Variants in GLG1 observed in about 807,000 individuals in gnomAD.
GLG1 encodes Golgi apparatus protein 1.
GLG1 carries 38 observed loss-of-function variants against 160.5 expected under a neutral mutation model. That is an observed-to-expected ratio of 0.24 (90% CI 0.18 to 0.31). GLG1 has a LOEUF of 0.31. Ranked by LOEUF, GLG1 falls within the 10% of genes least tolerant of loss-of-function variation. The pLI is 1.00. For synonymous variants in GLG1, 644 were observed against 543.4 expected (o/e 1.19, Z -2.57); for missense variants, 1,373 against 1,505.2 (o/e 0.91, Z 1.45).
Position 74,523,353 on chromosome 16 carries a change from C to T in GLG1, c.471+8768G>A, listed in dbSNP as rs902765171. Reference sequence around the variant, plus strand: ...GCTTCTACCACACTGCCTTAATTACCGCTGCTTTACGGTAACTCTTCCACC... The same window carrying T: ...GCTTCTACCACACTGCCTTAATTACTGCTGCTTTACGGTAACTCTTCCACC... On this transcript the variant is annotated intron_variant, in intron 2 of 25. Coordinates refer to ENST00000422840, the MANE Select transcript of GLG1 (RefSeq NM_001145667.2). Among the ~76,000 whole-genome samples the T allele has an allele frequency of 7.2e-5, 11 of 152,080 alleles. No homozygotes were observed. The East Asian group carries it at 9.6e-4, about 13-fold the overall frequency.
intron 11 of GLG1, among the ~76,000 whole-genome samples, chr16:74,478,773 G>A (rs760339659): frequency 1.4e-4 from 21 of 151,318 alleles, no homozygotes; most frequent in Non-Finnish European, 2.7e-4. Context: ...TTAGCCGGGC[G>A]TAGTGGCGCA....
In GLG1 at chr16:74,533,146, C is replaced by A. The variant is rs149755656; in HGVS notation, c.439-993G>T. Among the ~76,000 whole-genome samples the A allele has an allele frequency of 4.0e-5, 6 of 151,892 alleles. No individual in the cohort carries two copies. The East Asian group carries it at 9.7e-4, about 25-fold the overall frequency. On this transcript the variant is annotated intron_variant, in intron 1 of 25. Transcript: ENST00000422840. ...CCATCCTGGCTAACACAGTGAAACC[C>A]TGTCCCTACTAAAAATACAAAAAAA...
chr16:74,521,315 A>G (rs1055484681), intron 2 of GLG1, among the ~76,000 whole-genome samples: 23 of 152,258 alleles, frequency 1.5e-4, no homozygotes, highest in African/African-American at 4.3e-4. Flanking sequence ...CAGAGCAGTA[A>G]TATGAACTAA....
At chr16:74,600,530 A>C (rs997257237) in intron 1 of GLG1, among the ~76,000 whole-genome samples, 1 of 152,006 alleles carries the variant, frequency 6.6e-6, no homozygotes, top group Admixed American at 6.6e-5. Context: ...TCAGAGGTTC[A>C]AGACCAGCCT....
At chr16:74,553,821 A>C (rs1323353473) in intron 1 of GLG1, among the ~76,000 whole-genome samples, 1 of 152,156 alleles carries the variant, frequency 6.6e-6, no homozygotes, top group Non-Finnish European at 1.5e-5. Flanking sequence ...TTGCAACTTC[A>C]GTTATTGTAT....
chr16:74,498,613 C>A (rs1296432601), intron 4 of GLG1, among the ~76,000 whole-genome samples: 3 of 148,514 alleles, frequency 2.0e-5, no homozygotes, highest in East Asian at 3.9e-4. Context: ...GCCTGTAATC[C>A]CAGCACTTTG....
At chr16:74,533,423 C>G (rs1403718553) in intron 1 of GLG1, among the ~76,000 whole-genome samples, 1 of 152,232 alleles carries the variant, frequency 6.6e-6, no homozygotes, top group East Asian at 1.9e-4. Context: ...ATACATAACT[C>G]CTTTAGTTTC....
intron 19 of GLG1, 86 bp downstream of exon 19, chr16:74,465,590 G>C (rs1442799814): frequency 6.5e-6 from 9 of 1,378,514 alleles, no homozygotes; most frequent in Non-Finnish European, 9.2e-6. Context: ...CTTTGAGAAA[G>C]CTGAGCCTGA....
chr16:74,481,792 C>CA (rs2015607505), intron 10 of GLG1, among the ~76,000 whole-genome samples: 1 of 149,216 alleles, frequency 6.7e-6, no homozygotes, highest in Admixed American at 6.7e-5. Context: ...AGTGAATCTC[C>CA]TTTTTTTTTT....
At chr16:74,501,546 A>G (rs1408569351) in intron 4 of GLG1, among the ~76,000 whole-genome samples, 3 of 152,202 alleles carry the variant, frequency 2.0e-5, no homozygotes, top group Non-Finnish European at 4.4e-5. Flanking sequence ...CATGGAGGTG[A>G]CAATTCAGAG....
Position 74,453,087 on chromosome 16 carries a change from G to A in GLG1, c.*80C>T, listed in dbSNP as rs1208743820. ...GGTTGGTGTCACTTCTGAGAAGAGCGAGGTGAGTGGGGATGCTATACAAGA... is the reference window on the plus strand; with the variant it reads ...GGTTGGTGTCACTTCTGAGAAGAGCAAGGTGAGTGGGGATGCTATACAAGA... On this transcript the variant is annotated 3_prime_UTR_variant, in exon 26 of 26. Transcript: ENST00000422840. The A allele has an allele frequency of 1.4e-5, 22 of 1,551,852 alleles. No homozygotes were observed. The highest frequency in any genetic ancestry group is 5.0e-5 in the South Asian group (4 of 79,394).
intron 1 of GLG1, among the ~76,000 whole-genome samples, chr16:74,544,723 A>G (rs534239703): frequency 6.6e-6 from 1 of 152,290 alleles, no homozygotes; most frequent in Admixed American, 6.5e-5. Context: ...GATGGTCTCA[A>G]TCTCTTGACC....
At chr16:74,460,607 T>C (rs1282699306) in intron 22 of GLG1, among the ~76,000 whole-genome samples, 2 of 152,196 alleles carry the variant, frequency 1.3e-5, no homozygotes, top group African/African-American at 2.4e-5. Flanking sequence ...TCTCTAAACA[T>C]GTCAGTTTGA....
chr16:74,505,550 T>C (rs1382157395), intron 3 of GLG1, among the ~76,000 whole-genome samples: 1 of 152,122 alleles, frequency 6.6e-6, no homozygotes, highest in African/African-American at 2.4e-5. Flanking sequence ...CGAAACCCCA[T>C]CTCTACTAAA....
intron 1 of GLG1, among the ~76,000 whole-genome samples, chr16:74,560,078 A>C (rs538003308): frequency 6.6e-6 from 1 of 152,154 alleles, no homozygotes; most frequent in Non-Finnish European, 1.5e-5. Context: ...TTTTGTGTCA[A>C]CTTCACTGGG....
At chr16:74,589,010 G>T (rs765342680) in intron 1 of GLG1, among the ~76,000 whole-genome samples, 32 of 151,856 alleles carry the variant, frequency 2.1e-4, no homozygotes, top group Middle Eastern at 3.4e-3. Flanking sequence ...GGGAGGCTGA[G>T]GGGGGTGGAT....
rs1017867052 is a variant in GLG1 at position 74,508,703 on chromosome 16, A to G, written c.558+136T>C. 5.1e-6 allele frequency: 3 copies of G among 583,134 alleles called. No individual in the cohort carries two copies. The African/African-American group carries it at 5.6e-5, about 11-fold the overall frequency. 36.1% of individuals were successfully genotyped at this position (583,134 alleles called of 1,614,324 possible). A position where few individuals can be genotyped will look rare whatever the true frequency, so the allele number is the denominator to read the frequency against. On this transcript the variant is annotated intron_variant, in intron 3 of 25. Coordinates refer to ENST00000422840, the MANE Select transcript of GLG1 (RefSeq NM_001145667.2). ...AAAAAGAGTCTAATTACACCCCCCA[A>G]CTTCCTAATTTTCAACCAAGACAGA...
chr16:74,499,431 C>T (rs894787511), intron 4 of GLG1, among the ~76,000 whole-genome samples: 4 of 152,012 alleles, frequency 2.6e-5, no homozygotes, highest in African/African-American at 9.7e-5. Flanking sequence ...TTTTACTGTA[C>T]CTTTCCTATG....
At chr16:74,554,881 T>C (rs1042282440) in intron 1 of GLG1, among the ~76,000 whole-genome samples, 75 of 152,278 alleles carry the variant, frequency 4.9e-4, no homozygotes, top group Non-Finnish European at 4.4e-4. Flanking sequence ...CCAAACATGG[T>C]GGCATGCACG....
Sources: allele counts gnomAD v4.1 joint callset (sites outside exome capture counted in the v4.1 genomes callset), GRCh38; gene constraint gnomAD v4.1.1; transcripts MANE v1.5; gene names NCBI Gene and HGNC (gene_info 2026-07-23, HGNC 2026-07-21).